The following PCDH19 variants were observed in gnomAD, a reference collection of about 807,000 sequenced individuals.
The protein encoded by PCDH19 is protocadherin 19.
Under a neutral mutation model 46.2 loss-of-function variants are expected in PCDH19, and 6 were observed. The observed-to-expected ratio is 0.13, with a 90% CI of 0.07 to 0.26. The LOEUF is 0.26. PCDH19 is among the 10% of genes least tolerant of loss of function. The pLI, the probability that PCDH19 is intolerant of heterozygous loss-of-function variation, is 1.00. For missense variants in PCDH19, 740 were observed against 972.3 expected (o/e 0.76, Z 3.18); for synonymous variants, 481 against 415.7 (o/e 1.16, Z -1.91).
chrX:100,344,026 G>A (rs1926329130), intron 4 of PCDH19, among the ~76,000 whole-genome samples: 1 of 112,118 alleles, frequency 8.9e-6, no homozygotes, highest in African/African-American at 3.2e-5. Flanking sequence ...CCTAGATGTA[G>A]AATGCTTGCT....
intron 3 of PCDH19, among the ~76,000 whole-genome samples, chrX:100,382,303 G>A (rs1038099520): frequency 1.8e-5 from 2 of 110,666 alleles, no homozygotes; most frequent in Non-Finnish European, 3.8e-5. Flanking sequence ...AGTGAAATTG[G>A]AGTCCCTGCC....
At position 100,385,472 on chromosome X, in the gene PCDH19, T is replaced by G. The variant is rs187113595; in HGVS notation, c.2616+17052A>C. ...GATAGCCATCATGGTGTTATTTATA[T>G]AAAACAAAAATTTAAATAACCTCAA... On this transcript the variant is annotated intron_variant, in intron 3 of 5. Coordinates refer to ENST00000373034, the MANE Select transcript of PCDH19 (RefSeq NM_001184880.2). Among the ~76,000 whole-genome samples, 4 of 112,461 alleles carry G rather than the reference T, an allele frequency of 3.6e-5. No individual in the cohort carries two copies. The South Asian group carries it at 1.5e-3, about 41-fold the overall frequency.
intron 3 of PCDH19, among the ~76,000 whole-genome samples, chrX:100,354,595 T>C (rs1455022724): frequency 8.9e-6 from 1 of 112,338 alleles, no homozygotes; most frequent in Non-Finnish European, 1.9e-5. Flanking sequence ...GTTTAGAAGA[T>C]GTCATTTCTT....
chrX:100,322,866 T>TATATATATATATATA (rs1491391280), intron 5 of PCDH19, among the ~76,000 whole-genome samples: 5 of 36,861 alleles, frequency 1.4e-4, no homozygotes, highest in South Asian at 7.2e-4. Flanking sequence ...TATATATATA[T>TATATATATATATATA]TTTTGCAGCT....
chrX:100,342,194 G>T, intron 4 of PCDH19, 119 bp from the exon 5 acceptor site: 1 of 620,126 alleles, frequency 1.6e-6, no homozygotes, highest in South Asian at 2.3e-5. Context: ...TGTCCAATAG[G>T]GTAGGAATAA....
chrX:100,405,899 T>TAATC (rs2147536556), intron 1 of PCDH19, among the ~76,000 whole-genome samples: 1 of 111,127 alleles, frequency 9.0e-6, no homozygotes, highest in Admixed American at 9.6e-5. Flanking sequence ...TAAAAACCAC[T>TAATC]AATCACCTGC....
At chrX:100,350,143 A>G (rs1335659209) in intron 4 of PCDH19, among the ~76,000 whole-genome samples, 1 of 112,373 alleles carries the variant, frequency 8.9e-6, no homozygotes, top group African/African-American at 3.2e-5. Context: ...AATAGCATCA[A>G]TCTCAAAACT....
chrX:100,407,743 C>G lies in PCDH19; in HGVS notation c.855G>C (p.Thr285=). The change falls in exon 1 of 6, where the codon ACG becomes ACC. Residue 285 remains threonine (T), a synonymous_variant. Coordinates refer to ENST00000373034, the MANE Select transcript of PCDH19 (RefSeq NM_001184880.2). The stretch of plus-strand genomic sequence containing the variant: ...GCGGGTCGATCTGAAAGAGCTCGCG[C>G]GTGCGGTCGTTGACGTAGCCATAGA... ...YSFYGYVNDR[T]RELFQIDPHS... 1 of 1,212,222 alleles carries G rather than the reference C, an allele frequency of 8.2e-7. No individual in the cohort carries two copies. Among genetic ancestry groups the G allele is most frequent in the Non-Finnish European group, 1.1e-6 (1 of 895,635 alleles).
At chrX:100,308,323 G>A (rs977646920) in intron 5 of PCDH19, among the ~76,000 whole-genome samples, 1 of 111,431 alleles carries the variant, frequency 9.0e-6, no homozygotes, top group Non-Finnish European at 1.9e-5. Flanking sequence ...TGGGATCATT[G>A]ACAAGTCACA....
intron 3 of PCDH19, among the ~76,000 whole-genome samples, chrX:100,387,068 G>A (rs986372332): frequency 6.3e-5 from 7 of 111,258 alleles, no homozygotes; most frequent in African/African-American, 2.3e-4. Flanking sequence ...TTTTTTCCAT[G>A]AGAATTTTCT....
At chrX:100,385,984 T>C (rs2147520349) in intron 3 of PCDH19, among the ~76,000 whole-genome samples, 1 of 112,161 alleles carries the variant, frequency 8.9e-6, no homozygotes, top group Non-Finnish European at 1.9e-5. Context: ...ATTAAAACCA[T>C]GGATGTTTTT....
intron 5 of PCDH19, among the ~76,000 whole-genome samples, chrX:100,302,593 A>C (rs753349396): frequency 3.8e-4 from 43 of 112,212 alleles, no homozygotes; most frequent in Non-Finnish European, 6.8e-4. Context: ...TGTGGGATGC[A>C]AAACCCTCAG....
rs189479601 is a variant in PCDH19 at position 100,334,156 on chromosome X, C to T, written c.2848+7747G>A. ...CTTGAATATCAGACAACTAAAAGTT[C>T]CAAGTAGATTGGGAAAACACACATG... On this transcript the variant is annotated intron_variant, in intron 5 of 5. Coordinates refer to ENST00000373034, the MANE Select transcript of PCDH19 (RefSeq NM_001184880.2). Among the ~76,000 whole-genome samples, 175 of 110,708 alleles carry T rather than the reference C, an allele frequency of 1.6e-3. 1 individual carries two copies. Among genetic ancestry groups the T allele is most frequent in the African/African-American group, 5.5e-3 (166 of 30,413 alleles).
At position 100,292,120 on chromosome X, in the gene PCDH19, G is replaced by A. The variant is rs1282706077; in HGVS notation, c.*4157C>T. On this transcript the variant is annotated 3_prime_UTR_variant, in exon 6 of 6. Transcript: ENST00000373034. ...AGGAGGTATTTGTTGCTGATTTCTAGCTCGAGCTAGTCTGGCTCTTGGTCA... is the reference window on the plus strand; with the variant it reads ...AGGAGGTATTTGTTGCTGATTTCTAACTCGAGCTAGTCTGGCTCTTGGTCA... 2 of 113,264 alleles carry A rather than the reference G, an allele frequency of 1.8e-5. No homozygotes were observed. Among genetic ancestry groups the A allele is most frequent in the African/African-American group, 6.4e-5 (2 of 31,124 alleles). The allele number at this position is 113,264 out of a possible 1,213,427, so 9.3% of individuals were successfully genotyped here. A position where few individuals can be genotyped will look rare whatever the true frequency, so the allele number is the denominator to read the frequency against.
In PCDH19 at chrX:100,325,847, GT is replaced by G. The variant is rs1216553747; in HGVS notation, c.2848+16055del. 5.3e-3 allele frequency among the ~76,000 whole-genome samples: 588 copies of G among 111,977 alleles called. 5 individuals are homozygous for G. The highest frequency in any genetic ancestry group is 0.018 in the African/African-American group (567 of 30,821). On this transcript the variant is annotated intron_variant, in intron 5 of 5. Transcript: ENST00000373034. Reference sequence around the variant, plus strand: ...AGTGCTTGCCTCTGTGTTATAAGTTGTTTTTTTCATATCCCTAATTCCACAC... The same window carrying G: ...AGTGCTTGCCTCTGTGTTATAAGTTGTTTTTTCATATCCCTAATTCCACAC...
intron 5 of PCDH19, among the ~76,000 whole-genome samples, chrX:100,340,288 T>C (rs1372447967): frequency 8.9e-6 from 1 of 112,425 alleles, no homozygotes; most frequent in Non-Finnish European, 1.9e-5. Flanking sequence ...AGTTCCCTGA[T>C]ACTGTTTTCC....
intron 5 of PCDH19, among the ~76,000 whole-genome samples, chrX:100,317,952 A>G (rs1925362740): frequency 8.9e-6 from 1 of 112,408 alleles, no homozygotes; most frequent in Admixed American, 9.4e-5. Context: ...TTTCTGCTGT[A>G]GCATTGTGTC....
intron 4 of PCDH19, among the ~76,000 whole-genome samples, chrX:100,348,447 C>T (rs12861320): frequency 0.025 from 2,803 of 111,780 alleles, 28 homozygotes; most frequent in Non-Finnish European, 0.039. Context: ...ACTCAATTGA[C>T]CACACAAATT....
chrX:100,345,649 A>C (rs1372583693), intron 4 of PCDH19, among the ~76,000 whole-genome samples: 1 of 111,872 alleles, frequency 8.9e-6, no homozygotes, highest in Non-Finnish European at 1.9e-5. Context: ...TTTGAATAGA[A>C]ATTATGGAAA....
Sources: allele counts gnomAD v4.1 joint callset (sites outside exome capture counted in the v4.1 genomes callset), GRCh38; gene constraint gnomAD v4.1.1; transcripts MANE v1.5; gene names NCBI Gene and HGNC (gene_info 2026-07-23, HGNC 2026-07-21).